Variants in IQGAP2 observed in about 807,000 individuals in gnomAD.
The protein encoded by IQGAP2 is IQ motif containing GTPase activating protein 2, also known as ras GTPase-activating-like protein IQGAP2.
In IQGAP2, 173 loss-of-function variants were observed where a neutral mutation model predicts 201.3. That is an observed-to-expected ratio of 0.86 (90% CI 0.76 to 0.98). The LOEUF (loss-of-function observed/expected upper bound fraction) is 0.98, where lower values mean the gene tolerates loss of function less well. Ranked by LOEUF, IQGAP2 falls within the 50% of genes least tolerant of loss-of-function variation. The pLI is 0.00. For missense variants in IQGAP2, 1,687 were observed against 1,864.8 expected (o/e 0.90, Z 1.76); for synonymous variants, 675 against 673.9 (o/e 1.00, Z -0.03).
intron 2 of IQGAP2, among the ~76,000 whole-genome samples, chr5:76,496,827 CTT>C (rs1757018652): frequency 8.0e-6 from 1 of 125,760 alleles, no homozygotes; most frequent in South Asian, 2.6e-4. Context: ...CTTTCTTTTT[CTT>C]TTCTTTCATT....
chr5:76,664,276 AAGAAG>A (rs1287447283), intron 21 of IQGAP2, among the ~76,000 whole-genome samples: 6 of 152,220 alleles, frequency 3.9e-5, no homozygotes, highest in African/African-American at 1.4e-4. Context: ...TAGGGGGCCC[AAGAAG>A]AGAAGAGAAA....
intron 2 of IQGAP2, among the ~76,000 whole-genome samples, chr5:76,519,927 G>A (rs1758563145): frequency 6.6e-6 from 1 of 152,100 alleles, no homozygotes; most frequent in African/African-American, 2.4e-5. Flanking sequence ...CGTATATTTG[G>A]ATTCAAGTTC....
chr5:76,633,943 C>T (rs776827515), intron 15 of IQGAP2, among the ~76,000 whole-genome samples: 1 of 152,062 alleles, frequency 6.6e-6, no homozygotes, highest in African/African-American at 2.4e-5. Context: ...AACCTGTATT[C>T]TGCGCCACCC....
At chr5:76,551,540 G>A (rs1381658652) in intron 2 of IQGAP2, among the ~76,000 whole-genome samples, 10 of 152,064 alleles carry the variant, frequency 6.6e-5, no homozygotes, top group African/African-American at 2.4e-4. Context: ...CCGAGATCAC[G>A]TCACTGCACT....
intron 2 of IQGAP2, among the ~76,000 whole-genome samples, chr5:76,535,841 T>C (rs972508797): frequency 6.6e-6 from 1 of 152,112 alleles, no homozygotes. Flanking sequence ...ACAATGTAAA[T>C]TACAGAGAAT....
chr5:76,703,726 C>G (rs1278983683), intron 35 of IQGAP2, among the ~76,000 whole-genome samples: 1 of 150,292 alleles, frequency 6.7e-6, no homozygotes, highest in Admixed American at 6.6e-5. Flanking sequence ...TAGCACAAAA[C>G]CAATTTAAAG....
chr5:76,485,189 G>A (rs553376750), intron 2 of IQGAP2, among the ~76,000 whole-genome samples: 26 of 152,238 alleles, frequency 1.7e-4, no homozygotes, highest in African/African-American at 5.3e-4. Flanking sequence ...TGGGCACAGA[G>A]GGAAGAGAGC....
rs1345178890 is a variant in IQGAP2 at position 76,617,752 on chromosome 5, T to C, written c.1521+6569T>C. On this transcript the variant is annotated intron_variant, in intron 13 of 35. Transcript: ENST00000274364. The stretch of plus-strand genomic sequence containing the variant: ...TTAGCATGGTGAATAATAAGAATAA[T>C]ATTGCTTGGAGCAAAGCAAATGGTA... 8.7e-6 allele frequency: 14 copies of C among 1,613,864 alleles called. No homozygotes were observed. The South Asian group carries it at 1.3e-4, about 15-fold the overall frequency.
At chr5:76,452,043 A>G (rs959355380) in intron 1 of IQGAP2, among the ~76,000 whole-genome samples, 2 of 152,060 alleles carry the variant, frequency 1.3e-5, no homozygotes, top group Admixed American at 6.6e-5. Context: ...TTAAAAAAAG[A>G]AAAAAATTTA....
chr5:76,571,253 C>T (rs1392297793), intron 4 of IQGAP2, among the ~76,000 whole-genome samples: 1 of 152,106 alleles, frequency 6.6e-6, no homozygotes, highest in Non-Finnish European at 1.5e-5. Flanking sequence ...TAATCTACCA[C>T]CTCCGCCTCC....
At chr5:76,497,346 G>A (rs1221936568) in intron 2 of IQGAP2, among the ~76,000 whole-genome samples, 1 of 152,108 alleles carries the variant, frequency 6.6e-6, no homozygotes, top group Non-Finnish European at 1.5e-5. Context: ...AGCTTTTCAG[G>A]ACCTCAAAAC....
intron 1 of IQGAP2, among the ~76,000 whole-genome samples, chr5:76,406,987 A>T (rs954744360): frequency 3.3e-5 from 5 of 149,524 alleles, no homozygotes; most frequent in African/African-American, 4.9e-5. Flanking sequence ...CATTATTATT[A>T]TTTTTTTTTT....
intron 7 of IQGAP2, among the ~76,000 whole-genome samples, 173 bp from the exon 8 acceptor site, chr5:76,590,235 C>A (rs1212230359): frequency 1.3e-5 from 2 of 152,154 alleles, no homozygotes; most frequent in African/African-American, 4.8e-5. Context: ...CAAAGACAGC[C>A]ATGTGGAGAG....
intron 16 of IQGAP2, among the ~76,000 whole-genome samples, chr5:76,640,666 A>G (rs1172488424): frequency 6.6e-6 from 1 of 152,186 alleles, no homozygotes; most frequent in East Asian, 1.9e-4. Context: ...CCTTGCCAGC[A>G]TCATCCATAC....
chr5:76,517,881 T>C lies in IQGAP2; in HGVS notation c.147-44515T>C, dbSNP rs192580317. Among the ~76,000 whole-genome samples the C allele has an allele frequency of 3.1e-3, 466 of 152,306 alleles. 3 individuals are homozygous for C. Among genetic ancestry groups the C allele is most frequent in the African/African-American group, 0.011 (441 of 41,558 alleles). ...AGGGCTGCTGCTTTTATAAGGGGACTGTATTAGTCCATTTTCACGCTGCCG... is the reference window on the plus strand; with the variant it reads ...AGGGCTGCTGCTTTTATAAGGGGACCGTATTAGTCCATTTTCACGCTGCCG... On this transcript the variant is annotated intron_variant, in intron 2 of 35. Coordinates refer to ENST00000274364, the MANE Select transcript of IQGAP2 (RefSeq NM_006633.5).
chr5:76,686,446 T>TAAAA, intron 30 of IQGAP2, among the ~76,000 whole-genome samples: 1 of 152,234 alleles, frequency 6.6e-6, no homozygotes, highest in African/African-American at 2.4e-5. Flanking sequence ...TATTAACCCT[T>TAAAA]TTTGAGTTCA....
chr5:76,668,594 A>G, intron 22 of IQGAP2, 87 bp from the exon 23 acceptor site: 1 of 1,030,904 alleles, frequency 9.7e-7, no homozygotes, highest in Non-Finnish European at 1.4e-6. Flanking sequence ...AAGAGCAGGG[A>G]ATCAGATACT....
intron 13 of IQGAP2, chr5:76,618,193 T>A (rs747627420): frequency 6.2e-7 from 1 of 1,614,156 alleles, no homozygotes; most frequent in Admixed American, 1.7e-5. Flanking sequence ...CCATAGAAGA[T>A]GACTGTGGTG....
At chr5:76,675,257 C>G (rs1744703024) in intron 27 of IQGAP2, among the ~76,000 whole-genome samples, 1 of 152,122 alleles carries the variant, frequency 6.6e-6, no homozygotes, top group Non-Finnish European at 1.5e-5. Context: ...GATGACTTTT[C>G]ACATACATGG....
Sources: allele counts gnomAD v4.1 joint callset (sites outside exome capture counted in the v4.1 genomes callset), GRCh38; gene constraint gnomAD v4.1.1; transcripts MANE v1.5; gene names NCBI Gene and HGNC (gene_info 2026-07-23, HGNC 2026-07-21).